The following METTL25 variants were observed in gnomAD, a reference collection of about 807,000 sequenced individuals.
METTL25 encodes the protein methyltransferase like 25.
In METTL25, 64 loss-of-function variants were observed where a neutral mutation model predicts 71.6. That is an observed-to-expected ratio of 0.89 (90% CI 0.73 to 1.10). METTL25 has a LOEUF of 1.10. Among genes scored for constraint, METTL25 ranks in the 50% least tolerant of loss-of-function variants. The pLI is 0.00. For missense variants in METTL25, 807 were observed against 707.0 expected, an observed-to-expected ratio of 1.14 and a Z score of -1.60; for synonymous variants, 287 against 250.3, an observed-to-expected ratio of 1.15 and a Z score of -1.38.
rs759798144 is a variant in METTL25 at position 82,399,257 on chromosome 12, C to T, written c.994C>T (p.Pro332Ser). The change falls in exon 4 of 12, where the codon CCC becomes TCC. Residue 332 changes from proline (P) to serine (S), a missense_variant. Pro to Ser is a moderately conservative substitution (Grantham distance 74, BLOSUM62 -1). Coordinates refer to ENST00000248306, the MANE Select transcript of METTL25 (RefSeq NM_032230.3). ...AGAGCCTACTTCTTCACAGCAAATA[C>T]CCAACAGAGAAACATCTGAAGCCAA... ...AVEPTSSQQI[P>S]NRETSEANKE... The T allele has an allele frequency of 1.9e-6, 3 of 1,613,606 alleles. No individual in the cohort carries two copies. Among genetic ancestry groups the T allele is most frequent in the East Asian group, 4.5e-5 (2 of 44,766 alleles).
At chr12:82,461,710 C>A (rs75555261) in intron 9 of METTL25, among the ~76,000 whole-genome samples, 1 of 151,180 alleles carries the variant, frequency 6.6e-6, no homozygotes. Context: ...GAAATAAAGG[C>A]AAAAAAAAAT....
At position 82,456,579 on chromosome 12, in the gene METTL25, T is replaced by C. The variant is rs189771256; in HGVS notation, c.1479-148T>C. On this transcript the variant is annotated intron_variant, in intron 8 of 11. Transcript: ENST00000248306. ...TACATTATAACATGTAACTTTAAAATGTCCTCAAAAGTATTACTGTATTTT... is the reference window on the plus strand; with the variant it reads ...TACATTATAACATGTAACTTTAAAACGTCCTCAAAAGTATTACTGTATTTT... 1.3e-4 allele frequency: 61 copies of C among 482,062 alleles called. No individual in the cohort carries two copies. In the Admixed American group the frequency reaches 1.8e-3, roughly 14 times the overall value. 29.9% of individuals were successfully genotyped at this position (482,062 alleles called of 1,614,324 possible).
intron 9 of METTL25, among the ~76,000 whole-genome samples, chr12:82,475,615 G>T (rs1315654471): frequency 1.3e-5 from 2 of 151,900 alleles, no homozygotes; most frequent in African/African-American, 4.8e-5. Flanking sequence ...CCTTTCATTT[G>T]TTCTGACCAC....
chr12:82,359,045 A>G (rs1262750866), intron 1 of METTL25: 1 of 600,640 alleles, frequency 1.7e-6, no homozygotes, highest in Admixed American at 3.0e-5. Flanking sequence ...TATGTCCACA[A>G]TTTAAAGAAA....
chr12:82,371,734 A>G (rs549590754), intron 1 of METTL25, among the ~76,000 whole-genome samples: 67 of 152,246 alleles, frequency 4.4e-4, no homozygotes, highest in African/African-American at 1.3e-3. Flanking sequence ...TTTAAGATCA[A>G]TTGACCCTCA....
intron 1 of METTL25, among the ~76,000 whole-genome samples, chr12:82,362,854 G>A (rs1882108669): frequency 6.6e-6 from 1 of 152,188 alleles, no homozygotes; most frequent in Admixed American, 6.5e-5. Flanking sequence ...AGATAACAAT[G>A]ATGAAAACTG....
chr12:82,365,126 T>C (rs1358157407), intron 1 of METTL25, among the ~76,000 whole-genome samples: 2 of 152,340 alleles, frequency 1.3e-5, no homozygotes, highest in Admixed American at 6.5e-5. Flanking sequence ...AAGAGTCTTA[T>C]TGAAGGCACT....
chr12:82,461,000 G>A (rs575464137), intron 9 of METTL25, among the ~76,000 whole-genome samples: 4 of 152,056 alleles, frequency 2.6e-5, no homozygotes, highest in East Asian at 1.9e-4. Flanking sequence ...AAAATTAGCC[G>A]GGCATGGTGG....
chr12:82,451,314 A>C, intron 8 of METTL25: 1 of 956,188 alleles, frequency 1.0e-6, no homozygotes, highest in Non-Finnish European at 1.2e-6. Context: ...GCGTGTCACC[A>C]TTAAGAACAT....
intron 1 of METTL25, among the ~76,000 whole-genome samples, chr12:82,370,241 T>C (rs1883070547): frequency 6.6e-6 from 1 of 152,150 alleles, no homozygotes; most frequent in Non-Finnish European, 1.5e-5. Flanking sequence ...TTGAGCTCAT[T>C]TGGGGTTCCA....
At chr12:82,364,869 T>C (rs1316144049) in intron 1 of METTL25, among the ~76,000 whole-genome samples, 3 of 152,188 alleles carry the variant, frequency 2.0e-5, no homozygotes, top group East Asian at 3.8e-4. Context: ...ACTATTGTTA[T>C]TGTCTGTTGG....
chr12:82,393,216 GGT>G (rs1885760375), intron 3 of METTL25, among the ~76,000 whole-genome samples: 1 of 151,684 alleles, frequency 6.6e-6, no homozygotes, highest in Non-Finnish European at 1.5e-5. Flanking sequence ...GATTTCTTTG[GGT>G]AATATGCACA....
At chr12:82,390,161 A>G (rs1885439112) in intron 3 of METTL25, among the ~76,000 whole-genome samples, 2 of 152,030 alleles carry the variant, frequency 1.3e-5, no homozygotes, top group African/African-American at 4.8e-5. Context: ...TTTGCCACAC[A>G]TTTCATTCTT....
chr12:82,365,066 A>G (rs560662083), intron 1 of METTL25, among the ~76,000 whole-genome samples: 84 of 152,322 alleles, frequency 5.5e-4, no homozygotes, highest in Admixed American at 1.6e-3. Flanking sequence ...TATTGTGTAC[A>G]TCATGTTTAA....
Position 82,399,344 on chromosome 12 carries a change from T to C in METTL25, c.1081T>C (p.Ser361Pro). The change falls in exon 4 of 12, where the codon TCT (serine) becomes CCT (proline). Residue 361 changes from serine (S) to proline (P), a missense_variant. By Grantham distance (74) the Ser-to-Pro change is moderately conservative. Transcript: ENST00000248306. ...ATCAAATATATATTCACCTTTAACCTCTTTTATCACTGCTGATTCAGAACT... is the reference window on the plus strand; with the variant it reads ...ATCAAATATATATTCACCTTTAACCCCTTTTATCACTGCTGATTCAGAACT... ...SESNIYSPLT[S>P]FITADSELHD... 3.7e-6 allele frequency: 6 copies of C among 1,603,962 alleles called. No individual in the cohort carries two copies. Among genetic ancestry groups the C allele is most frequent in the Non-Finnish European group, 4.3e-6 (5 of 1,176,176 alleles).
chr12:82,409,046 T>A (rs1887340510), intron 5 of METTL25, among the ~76,000 whole-genome samples: 1 of 152,130 alleles, frequency 6.6e-6, no homozygotes, highest in Admixed American at 6.6e-5. Context: ...CAGTAGAAAA[T>A]TCTGGTATGT....
intron 9 of METTL25, among the ~76,000 whole-genome samples, chr12:82,463,399 G>A (rs1892026666): frequency 6.6e-6 from 1 of 151,840 alleles, no homozygotes; most frequent in South Asian, 2.1e-4. Flanking sequence ...CATGTTGCCA[G>A]GAATGAAGGA....
intron 6 of METTL25, among the ~76,000 whole-genome samples, chr12:82,434,467 A>G (rs963152682): frequency 4.6e-5 from 7 of 151,508 alleles, no homozygotes; most frequent in Non-Finnish European, 1.0e-4. Context: ...ACATTCAAGG[A>G]TATGTGTTTG....
chr12:82,438,343 C>T (rs1306052855), intron 7 of METTL25, among the ~76,000 whole-genome samples: 1 of 151,714 alleles, frequency 6.6e-6, no homozygotes, highest in Non-Finnish European at 1.5e-5. Flanking sequence ...TCTACATTCT[C>T]TTCTTTTTCA....
Sources: allele counts gnomAD v4.1 joint callset (sites outside exome capture counted in the v4.1 genomes callset), GRCh38; gene constraint gnomAD v4.1.1; transcripts MANE v1.5; gene names NCBI Gene and HGNC (gene_info 2026-07-23, HGNC 2026-07-21).